The following HTR1F variants were observed in gnomAD, a reference collection of about 807,000 sequenced individuals.
HTR1F encodes 5-hydroxytryptamine (serotonin) receptor 1F, G protein-coupled.
A neutral mutation model predicts 24.0 loss-of-function variants in HTR1F; 17 were observed. The observed-to-expected ratio is 0.71, with a 90% CI of 0.48 to 1.06. The LOEUF is 1.06. HTR1F is among the 50% of genes least tolerant of loss of function. HTR1F has a pLI of 0.00. For synonymous variants in HTR1F, 186 were observed against 156.8 expected (o/e 1.19, Z -1.39); for missense variants, 391 against 427.8 (o/e 0.91, Z 0.76).
chr3:87,934,172 T>C (rs528050835), intron 2 of HTR1F, among the ~76,000 whole-genome samples: 10 of 152,280 alleles, frequency 6.6e-5, no homozygotes, highest in Admixed American at 1.3e-4. Context: ...AATCAAAGCA[T>C]ATCAAGAAAA....
chr3:87,843,930 T>C (rs1159241393), intron 2 of HTR1F, among the ~76,000 whole-genome samples: 1 of 151,584 alleles, frequency 6.6e-6, no homozygotes, highest in Non-Finnish European at 1.5e-5. Flanking sequence ...TCTATCATTG[T>C]TGGACATTTG....
chr3:87,886,276 G>C (rs912126702), intron 2 of HTR1F, among the ~76,000 whole-genome samples: 7 of 152,146 alleles, frequency 4.6e-5, no homozygotes, highest in African/African-American at 1.4e-4. Context: ...AAAGGCCTTT[G>C]ACAAAATTCA....
At chr3:87,801,113 A>G (rs775547904) in intron 1 of HTR1F, among the ~76,000 whole-genome samples, 7 of 152,194 alleles carry the variant, frequency 4.6e-5, no homozygotes, top group Non-Finnish European at 8.8e-5. Context: ...ACTTTCATCT[A>G]TTTCAAAACA....
At chr3:87,954,461 T>C (rs773479555) in intron 2 of HTR1F, among the ~76,000 whole-genome samples, 10 of 151,764 alleles carry the variant, frequency 6.6e-5, no homozygotes, top group Non-Finnish European at 1.2e-4. Context: ...TTGTAACTTT[T>C]AGATTAAACC....
At chr3:87,931,441 T>C (rs1014983919) in intron 2 of HTR1F, among the ~76,000 whole-genome samples, 1 of 152,180 alleles carries the variant, frequency 6.6e-6, no homozygotes, top group Non-Finnish European at 1.5e-5. Flanking sequence ...CTTAATCCAG[T>C]CTATCATTGT....
At chr3:87,909,608 A>G (rs1429401847) in intron 2 of HTR1F, among the ~76,000 whole-genome samples, 4 of 152,086 alleles carry the variant, frequency 2.6e-5, no homozygotes, top group Admixed American at 2.6e-4. Context: ...AGAAAGAATA[A>G]GTTCAGCTGC....
At chr3:87,916,562 G>A (rs1703899835) in intron 2 of HTR1F, among the ~76,000 whole-genome samples, 1 of 152,000 alleles carries the variant, frequency 6.6e-6, no homozygotes, top group Non-Finnish European at 1.5e-5. Context: ...TGAAAAGCAA[G>A]CCAGGATAGC....
chr3:87,801,308 G>T (rs1703985657), intron 1 of HTR1F, among the ~76,000 whole-genome samples: 1 of 152,244 alleles, frequency 6.6e-6, no homozygotes, highest in East Asian at 1.9e-4. Context: ...GTATACCAGT[G>T]TAGTAGCACA....
chr3:87,947,130 TCAGC>T, intron 2 of HTR1F, among the ~76,000 whole-genome samples: 1 of 152,356 alleles, frequency 6.6e-6, no homozygotes, highest in East Asian at 1.9e-4. Flanking sequence ...CATTTTAAAC[TCAGC>T]AATTTGTAGT....
At position 87,991,229 on chromosome 3, in the gene HTR1F, C is replaced by A; in HGVS notation, c.480C>A (p.Phe160Leu). 1 of 1,613,650 alleles carries A rather than the reference C, an allele frequency of 6.2e-7. No homozygotes were observed. The highest frequency in any genetic ancestry group is 8.5e-7 in the Non-Finnish European group (1 of 1,179,678). ...ISVFISMPPL[F>L]WRHQGTSRDD... ...TTTTTATCTCTATGCCTCCTCTATT[C>A]TGGAGGCACCAAGGAACTAGCAGAG... is the stretch of plus-strand genomic sequence containing the variant. Residue 160 changes from phenylalanine to leucine, a missense_variant, in exon 3 of 3, where the codon TTC becomes TTA. By Grantham distance (22) the Phe-to-Leu change is conservative. Transcript: ENST00000319595.
intron 2 of HTR1F, among the ~76,000 whole-genome samples, chr3:87,830,066 G>A (rs945774357): frequency 6.6e-6 from 1 of 151,920 alleles, no homozygotes; most frequent in African/African-American, 2.4e-5. Flanking sequence ...TATTTCATTT[G>A]AAATGAATTT....
chr3:87,892,849 A>G (rs1706114654), intron 2 of HTR1F, among the ~76,000 whole-genome samples: 1 of 152,136 alleles, frequency 6.6e-6, no homozygotes, highest in Non-Finnish European at 1.5e-5. Flanking sequence ...GATGTAGCTA[A>G]TATCACAATT....
chr3:87,959,587 A>G (rs1229226578), intron 2 of HTR1F, among the ~76,000 whole-genome samples: 1 of 151,974 alleles, frequency 6.6e-6, no homozygotes, highest in Non-Finnish European at 1.5e-5. Flanking sequence ...CTTTACTTAA[A>G]TTCGCTTTGT....
intron 1 of HTR1F, among the ~76,000 whole-genome samples, chr3:87,794,191 A>G (rs1034000964): frequency 2.6e-4 from 39 of 152,124 alleles, no homozygotes; most frequent in Admixed American, 7.9e-4. Context: ...ATCCACGCAG[A>G]AGCAAACCCG....
At chr3:87,806,160 T>G (rs1166093308) in intron 1 of HTR1F, among the ~76,000 whole-genome samples, 1 of 152,116 alleles carries the variant, frequency 6.6e-6, no homozygotes, top group Non-Finnish European at 1.5e-5. Flanking sequence ...CATCCACTGA[T>G]GAACACTTAG....
At chr3:87,800,507 T>C (rs1703973851) in intron 1 of HTR1F, among the ~76,000 whole-genome samples, 1 of 152,254 alleles carries the variant, frequency 6.6e-6, no homozygotes, top group Admixed American at 6.5e-5. Flanking sequence ...TGTGATCCTT[T>C]TGTAAATATC....
intron 2 of HTR1F, among the ~76,000 whole-genome samples, chr3:87,923,813 T>G (rs1704064307): frequency 6.6e-6 from 1 of 152,140 alleles, no homozygotes; most frequent in African/African-American, 2.4e-5. Context: ...TTGCATGTGT[T>G]GAACCAATCT....
intron 2 of HTR1F, among the ~76,000 whole-genome samples, chr3:87,853,336 C>T (rs946587044): frequency 6.6e-6 from 1 of 151,958 alleles, no homozygotes; most frequent in Non-Finnish European, 1.5e-5. Context: ...TTTTCTGTTC[C>T]TGCGTTAGTT....
intron 2 of HTR1F, among the ~76,000 whole-genome samples, chr3:87,944,216 C>T (rs929845442): frequency 1.3e-5 from 2 of 152,184 alleles, no homozygotes; most frequent in African/African-American, 4.8e-5. Context: ...TAGAGCTGGA[C>T]TGGGTTCCAG....
Sources: allele counts gnomAD v4.1 joint callset (sites outside exome capture counted in the v4.1 genomes callset), GRCh38; gene constraint gnomAD v4.1.1; transcripts MANE v1.5; gene names NCBI Gene and HGNC (gene_info 2026-07-23, HGNC 2026-07-21).